Variants in SUMF1 observed in about 807,000 individuals in gnomAD.
SUMF1 encodes the protein formylglycine-generating enzyme.
In SUMF1, 48 loss-of-function variants were observed where a neutral mutation model predicts 47.6. The observed-to-expected ratio is 1.01, with a 90% CI of 0.80 to 1.28. The LOEUF (loss-of-function observed/expected upper bound fraction) is 1.28. Ranked by LOEUF, SUMF1 falls within the 50% of genes most tolerant of loss-of-function variation. The probability of loss-of-function intolerance (pLI) is 0.00; values close to 1 mark genes in which losing one functional copy is unlikely to be tolerated. For synonymous variants in SUMF1, 230 were observed against 192.1 expected (o/e 1.20, Z -1.63); for missense variants, 571 against 485.4 (o/e 1.18, Z -1.66).
chr3:4,268,876 ATG>A (rs377554510), intron 8 of SUMF1, among the ~76,000 whole-genome samples: 110 of 151,820 alleles, frequency 7.2e-4, no homozygotes, highest in African/African-American at 2.3e-3. Context: ...TTTAGAGTGA[ATG>A]TGTGTGTGTG....
chr3:4,221,552 A>G (rs1287379837), intron 8 of SUMF1, among the ~76,000 whole-genome samples: 1 of 152,054 alleles, frequency 6.6e-6, no homozygotes, highest in East Asian at 1.9e-4. Flanking sequence ...CCCAGTGATT[A>G]GACAACATTC....
chr3:4,159,137 T>C (rs1049944210), intron 8 of SUMF1, among the ~76,000 whole-genome samples: 2 of 151,446 alleles, frequency 1.3e-5, no homozygotes, highest in Admixed American at 6.6e-5. Context: ...TACTTACTAT[T>C]ACCAGTAAGG....
intron 8 of SUMF1, among the ~76,000 whole-genome samples, chr3:4,287,350 A>C (rs942355427): frequency 6.6e-6 from 1 of 152,168 alleles, no homozygotes; most frequent in Admixed American, 6.6e-5. Flanking sequence ...GATTCAAAAA[A>C]CTTAATAAAC....
intron 8 of SUMF1, among the ~76,000 whole-genome samples, chr3:4,244,863 C>A (rs530073977): frequency 2.0e-5 from 3 of 152,216 alleles, no homozygotes; most frequent in Non-Finnish European, 2.9e-5. Context: ...TTCCATTCTC[C>A]CCATACACCA....
chr3:4,337,231 T>C (rs2819568), intron 8 of SUMF1, among the ~76,000 whole-genome samples: 2 of 7,944 alleles, frequency 2.5e-4, no homozygotes, highest in African/African-American at 1.4e-3. Context: ...CCTTCCTTCC[T>C]TACTTCCTTC....
At position 4,162,154 on chromosome 3, in the gene SUMF1, T is replaced by A. The variant is rs192330478; in HGVS notation, c.1015-93409A>T. Among the ~76,000 whole-genome samples, 2 of 151,784 alleles carry A rather than the reference T, an allele frequency of 1.3e-5. 1 individual carries two copies. The highest frequency in any genetic ancestry group is 2.9e-5 in the Non-Finnish European group (2 of 67,930). ...CCTCACAACTCTGTCTAATGCCCTATCCTGTTGTGGCTGAGCTGATATCCA... is the reference window on the plus strand; with the variant it reads ...CCTCACAACTCTGTCTAATGCCCTAACCTGTTGTGGCTGAGCTGATATCCA... On this transcript the variant is annotated intron_variant and NMD_transcript_variant, in intron 8 of 12. Transcript: ENST00000448413.
At chr3:4,369,210 C>A (rs988489183) in intron 8 of SUMF1, among the ~76,000 whole-genome samples, 8 of 152,046 alleles carry the variant, frequency 5.3e-5, no homozygotes, top group African/African-American at 1.7e-4. Context: ...TGATAGCAAC[C>A]AATTTTCTCA....
rs566050555 is a variant in SUMF1, at chr3:4,259,693, C to T, written c.1014+116637G>A. On this transcript the variant is annotated intron_variant and NMD_transcript_variant, in intron 8 of 12. Transcript: ENST00000448413. ...AATGAATAATTCTGTATTCAACTCT[C>T]TTTGCCTAGAGCTCAGTAGTGAAAG... 1.0e-3 allele frequency among the ~76,000 whole-genome samples: 157 copies of T among 152,266 alleles called. 2 individuals are homozygous for T. Among genetic ancestry groups the T allele is most frequent in the African/African-American group, 3.6e-3 (149 of 41,576 alleles).
At chr3:4,237,503 A>C (rs935969093) in intron 8 of SUMF1, among the ~76,000 whole-genome samples, 6 of 152,000 alleles carry the variant, frequency 3.9e-5, no homozygotes, top group African/African-American at 1.4e-4. Context: ...CTGAGTTTTA[A>C]AAGTTTTTAA....
chr3:4,303,825 C>G (rs1559211216), intron 8 of SUMF1: 1 of 1,362,952 alleles, frequency 7.3e-7, no homozygotes, highest in South Asian at 1.2e-5. Flanking sequence ...GGAGGCATCA[C>G]GGGGGGAGTC....
intron 9 of SUMF1, among the ~76,000 whole-genome samples, chr3:4,043,657 G>A (rs143566680): frequency 0.012 from 1,812 of 151,932 alleles, 28 homozygotes; most frequent in African/African-American, 0.026. Context: ...TCTCTTCTTC[G>A]TCTATCTCAC....
chr3:4,097,507 C>G (rs369134272), intron 8 of SUMF1, among the ~76,000 whole-genome samples: 11 of 152,140 alleles, frequency 7.2e-5, no homozygotes, highest in Middle Eastern at 3.4e-3. Flanking sequence ...GAGCCAAGAT[C>G]ACACCACTGC....
Position 4,467,221 on chromosome 3 carries a change from C to A in SUMF1, c.25G>T (p.Val9Leu). The change falls in exon 1 of 9, where the codon GTG becomes TTG. Residue 9 changes from valine (V) to leucine (L), a missense_variant. By Grantham distance (32) the Val-to-Leu change is conservative. Coordinates refer to ENST00000272902, the MANE Select transcript of SUMF1 (RefSeq NM_182760.4). ...CCCAGCTCAGGGCAACGTCCACACA[C>A]CAGCCCTAGTGCGGGCGCAGCCATG... Reference protein sequence around the residue: MAAPALGLVCGRCPELGLV... With the variant: MAAPALGLLCGRCPELGLV... The A allele has an allele frequency of 1.2e-6, 2 of 1,611,536 alleles. No individual in the cohort carries two copies. Among genetic ancestry groups the A allele is most frequent in the Non-Finnish European group, 1.7e-6 (2 of 1,179,220 alleles).
At chr3:4,359,000 G>A (rs1699682966), downstream of SUMF1, among the ~76,000 whole-genome samples, 1 of 152,184 alleles carries the variant, frequency 6.6e-6, no homozygotes, top group African/African-American at 2.4e-5. Context: ...GTGGTACAAT[G>A]TACAAAGTTC....
rs77206343 is a variant in SUMF1, at chr3:4,388,866, C to T, written c.955-12477G>A. Among the ~76,000 whole-genome samples, 396 of 152,108 alleles carry T rather than the reference C, an allele frequency of 2.6e-3. 4 individuals are homozygous for T. The East Asian group carries it at 0.035, about 13-fold the overall frequency. On this transcript the variant is annotated intron_variant, in intron 7 of 8. Coordinates refer to ENST00000272902, the MANE Select transcript of SUMF1 (RefSeq NM_182760.4). ...AACAGTTCCAGTGAAGCATCAAAAC[C>T]GTAACTCTCTTTAAATCCCTTTAGC...
intron 8 of SUMF1, chr3:4,317,532 T>TA (rs1286241296): frequency 2.3e-5 from 5 of 213,678 alleles, no homozygotes; most frequent in African/African-American, 9.2e-5. Context: ...AAATAATTTT[T>TA]TAAAAAAAGA....
At chr3:4,295,288 T>G (rs73119337) in intron 8 of SUMF1, among the ~76,000 whole-genome samples, 125 of 152,140 alleles carry the variant, frequency 8.2e-4, no homozygotes, top group African/African-American at 2.7e-3. Flanking sequence ...CTAAGAAGGA[T>G]TCCAGTCTCA....
At chr3:4,034,981 G>C (rs1694767021) in intron 9 of SUMF1, among the ~76,000 whole-genome samples, 1 of 151,782 alleles carries the variant, frequency 6.6e-6, no homozygotes, top group Non-Finnish European at 1.5e-5. Context: ...GGTCAGCAAA[G>C]GCACAAAAGC....
chr3:4,403,798 T>C (rs903489452), intron 7 of SUMF1, among the ~76,000 whole-genome samples: 5 of 152,126 alleles, frequency 3.3e-5, no homozygotes, highest in African/African-American at 1.2e-4. Context: ...ACCACAGCTG[T>C]CAGGGGTATC....
Sources: gnomAD v4.1 joint callset for allele counts (sites outside exome capture counted in the v4.1 genomes callset) on GRCh38, gnomAD v4.1.1 for gene constraint, MANE v1.5 for transcripts, NCBI Gene and HGNC (gene_info 2026-07-23, HGNC 2026-07-21) for gene names.